The following MAP2 variants were observed in gnomAD, a reference collection of about 807,000 sequenced individuals.
MAP2 encodes microtubule associated protein 2.
Under a neutral mutation model 137.6 loss-of-function variants are expected in MAP2, and 14 were observed. The ratio of observed to expected loss-of-function variants is 0.10; its 90% CI spans 0.07 to 0.16. The LOEUF (loss-of-function observed/expected upper bound fraction) is 0.16. MAP2 is among the 10% of genes least tolerant of loss of function. The pLI, the probability that MAP2 is intolerant of heterozygous loss-of-function variation, is 1.00. For missense variants in MAP2, 2,088 were observed against 2,191.5 expected (o/e 0.95, Z 0.94); for synonymous variants, 786 against 782.3 (o/e 1.00, Z -0.08).
At chr2:209,679,146 G>A (rs1047514912) in intron 6 of MAP2, among the ~76,000 whole-genome samples, 2 of 151,904 alleles carry the variant, frequency 1.3e-5, no homozygotes. Flanking sequence ...TGTTATAATC[G>A]TGAGTGACTT....
rs397962922 is a variant in MAP2, at chr2:209,539,934, G to GAAA, written c.-172+32309_-172+32311dup. 3.7e-3 allele frequency among the ~76,000 whole-genome samples: 307 copies of GAAA among 82,148 alleles called. 5 individuals carry two copies. The highest frequency in any genetic ancestry group is 0.012 in the African/African-American group (281 of 23,784). The allele number at this position is 82,148 out of a possible 152,430, so 53.9% of individuals were successfully genotyped here. Reference sequence around the variant, plus strand: ...GTAACATAGTGAGACCCCATCTCACGAAAAAAAAAAAAAAAAAATAGCCAG... The same window carrying GAAA: ...GTAACATAGTGAGACCCCATCTCACGAAAAAAAAAAAAAAAAAAAAATAGCCAG... On this transcript the variant is annotated intron_variant, in intron 2 of 15. Transcript: ENST00000682079.
chr2:209,448,959 T>A (rs1699731819), intron 1 of MAP2, among the ~76,000 whole-genome samples: 1 of 152,130 alleles, frequency 6.6e-6, no homozygotes, highest in Non-Finnish European at 1.5e-5. Flanking sequence ...TGGCCACAGT[T>A]TTTGGACTAG....
At chr2:209,575,335 C>A (rs141724827) in intron 2 of MAP2, among the ~76,000 whole-genome samples, 1 of 151,816 alleles carries the variant, frequency 6.6e-6, no homozygotes, top group Non-Finnish European at 1.5e-5. Context: ...TCCTGGCTAA[C>A]ACAGTGAAAC....
At chr2:209,629,392 T>C (rs2092743496) in intron 4 of MAP2, among the ~76,000 whole-genome samples, 1 of 152,144 alleles carries the variant, frequency 6.6e-6, no homozygotes, top group Non-Finnish European at 1.5e-5. Context: ...AAGCACTTGA[T>C]GAGTGTTTAT....
Position 209,583,769 on chromosome 2 carries a change from ATT to A in MAP2, c.-107+3680_-107+3681del, listed in dbSNP as rs3036666. On this transcript the variant is annotated intron_variant, in intron 3 of 15. Coordinates refer to ENST00000682079, the MANE Select transcript of MAP2 (RefSeq NM_001375505.1). The stretch of plus-strand genomic sequence containing the variant: ...TGGTACCGTAAGAGAGACATAAATG[ATT>A]TTTTTTTTTTCAGATTTTATTTTAG... Among the ~76,000 whole-genome samples the A allele has an allele frequency of 5.4e-5, 8 of 148,380 alleles. 1 individual carries two copies. The highest frequency in any genetic ancestry group is 2.0e-4 in the Admixed American group (3 of 14,818).
intron 2 of MAP2, among the ~76,000 whole-genome samples, chr2:209,512,596 C>A (rs963226194): frequency 1.0e-5 from 1 of 99,126 alleles, no homozygotes; most frequent in Non-Finnish European, 2.3e-5. Context: ...CACACACACA[C>A]ACACAAACAC....
chr2:209,453,583 A>G (rs1380595471), intron 1 of MAP2, among the ~76,000 whole-genome samples: 1 of 152,244 alleles, frequency 6.6e-6, no homozygotes, highest in Non-Finnish European at 1.5e-5. Context: ...CCTAAAAATT[A>G]AAGCCTAAAT....
chr2:209,681,264 T>C (rs930812787), intron 7 of MAP2, among the ~76,000 whole-genome samples: 1 of 152,180 alleles, frequency 6.6e-6, no homozygotes, highest in Non-Finnish European at 1.5e-5. Context: ...TCTGTTTTGC[T>C]CACTGTTATA....
intron 3 of MAP2, among the ~76,000 whole-genome samples, chr2:209,584,632 G>C (rs2077266100): frequency 6.6e-6 from 1 of 152,096 alleles, no homozygotes; most frequent in Non-Finnish European, 1.5e-5. Context: ...TTATAGCTCT[G>C]TGTGAGATAA....
At chr2:209,658,189 A>G (rs2041809394) in intron 5 of MAP2, among the ~76,000 whole-genome samples, 1 of 152,156 alleles carries the variant, frequency 6.6e-6, no homozygotes, top group South Asian at 2.1e-4. Context: ...TTGAGTGGAA[A>G]ATTATTTTAG....
At chr2:209,621,550 C>A (rs778997219) in intron 3 of MAP2, among the ~76,000 whole-genome samples, 1 of 151,994 alleles carries the variant, frequency 6.6e-6, no homozygotes, top group Non-Finnish European at 1.5e-5. Context: ...TGAGCCACCA[C>A]GCCCGACTGA....
intron 1 of MAP2, among the ~76,000 whole-genome samples, chr2:209,482,333 A>T (rs2057822856): frequency 6.6e-6 from 1 of 151,982 alleles, no homozygotes; most frequent in Admixed American, 6.6e-5. Context: ...GTGCTGATTT[A>T]AAAAAAACTC....
At chr2:209,629,865 C>T (rs2092794941) in intron 4 of MAP2, among the ~76,000 whole-genome samples, 1 of 152,164 alleles carries the variant, frequency 6.6e-6, no homozygotes. Flanking sequence ...CAGGCTGAGT[C>T]ATCAGCACAT....
chr2:209,479,174 T>C (rs1708127756), intron 1 of MAP2, among the ~76,000 whole-genome samples: 1 of 152,136 alleles, frequency 6.6e-6, no homozygotes, highest in South Asian at 2.1e-4. Flanking sequence ...AATACATTGG[T>C]TTCTCTTTTA....
chr2:209,632,173 G>A (rs879898228), intron 4 of MAP2, among the ~76,000 whole-genome samples: 2 of 152,174 alleles, frequency 1.3e-5, no homozygotes, highest in Non-Finnish European at 2.9e-5. Flanking sequence ...ATATGTGGCA[G>A]TGGACAAGAA....
intron 2 of MAP2, among the ~76,000 whole-genome samples, chr2:209,524,279 T>C (rs1039629970): frequency 3.9e-5 from 6 of 152,254 alleles, no homozygotes; most frequent in Middle Eastern, 3.4e-3. Flanking sequence ...TTTAGAAATA[T>C]GATTTTTTTC....
At chr2:209,439,175 A>G (rs548917108) in intron 1 of MAP2, among the ~76,000 whole-genome samples, 34 of 151,470 alleles carry the variant, frequency 2.2e-4, no homozygotes, top group African/African-American at 7.7e-4. Flanking sequence ...TCATATGGTG[A>G]TTGCTTTGTA....
At chr2:209,717,083 A>G (rs56825045) in intron 13 of MAP2, among the ~76,000 whole-genome samples, 15,638 of 152,190 alleles carry the variant, frequency 0.1, 947 homozygotes, top group East Asian at 0.23. Context: ...ATATATTCTT[A>G]TAAAGTTTTA....
chr2:209,424,590 A>T (rs1400699088), intron 1 of MAP2, among the ~76,000 whole-genome samples: 1 of 152,232 alleles, frequency 6.6e-6, no homozygotes, highest in African/African-American at 2.4e-5. Flanking sequence ...GAATACGTGT[A>T]TCGAAAGCCA....
Sources: allele counts gnomAD v4.1 joint callset (sites outside exome capture counted in the v4.1 genomes callset), GRCh38; gene constraint gnomAD v4.1.1; transcripts MANE v1.5; gene names NCBI Gene and HGNC (gene_info 2026-07-23, HGNC 2026-07-21).